Variants in TMCO5A observed in about 807,000 individuals in gnomAD.
TMCO5A encodes the protein transmembrane and coiled-coil domain-containing protein 5A.
TMCO5A carries 34 observed loss-of-function variants against 42.3 expected under a neutral mutation model. That is an observed-to-expected ratio of 0.80 (90% CI 0.61 to 1.07). TMCO5A has a LOEUF of 1.07. Among genes scored for constraint, TMCO5A ranks in the 50% least tolerant of loss-of-function variants. TMCO5A has a pLI of 0.00. For missense variants in TMCO5A, 357 were observed against 327.9 expected (o/e 1.09, Z -0.69); for synonymous variants, 131 against 115.6 (o/e 1.13, Z -0.86).
exon 12 of TMCO5A, chr15:37,967,665 A>G (rs944811992): frequency 2.0e-5 from 3 of 152,232 alleles, no homozygotes; most frequent in African/African-American, 7.2e-5. Flanking sequence ...TATTCACTGC[A>G]GTGAAGTATA....
At chr15:38,003,222 G>GTCTCTCTCTCTCTCTCTCTC in the TMCO5A span, among the ~76,000 whole-genome samples, 1,228 of 147,088 alleles carry the variant, frequency 8.3e-3, 18 homozygotes, top group African/African-American at 0.03. Flanking sequence ...CCCAAACAGA[G>GTCTCTCTCTCTCTCTCTCTC]TCTCTCTCTC....
At chr15:37,979,884 G>A in the TMCO5A span, among the ~76,000 whole-genome samples, 1 of 152,180 alleles carries the variant, frequency 6.6e-6, no homozygotes, top group South Asian at 2.1e-4. Flanking sequence ...GTAAGTGGGG[G>A]CAGTGACCCA....
At chr15:37,950,943 A>G in intron 11 of TMCO5A, 93 bp from the exon 12 acceptor site, 3 of 1,098,534 alleles carry the variant, frequency 2.7e-6, no homozygotes, top group Middle Eastern at 3.1e-4. Context: ...TTGAATATCA[A>G]TTAGGAGCCA....
the TMCO5A span, among the ~76,000 whole-genome samples, chr15:38,019,215 ATGT>A: frequency 1.3e-5 from 2 of 152,192 alleles, no homozygotes; most frequent in Non-Finnish European, 2.9e-5. Context: ...ATTGCAGATA[ATGT>A]TGTGAAACTT....
the TMCO5A span, among the ~76,000 whole-genome samples, chr15:38,032,441 T>C: frequency 6.6e-6 from 1 of 152,222 alleles, no homozygotes; most frequent in Admixed American, 6.5e-5. Context: ...GCAAATGCTA[T>C]GCTACGTAAA....
the TMCO5A span, among the ~76,000 whole-genome samples, chr15:37,988,461 G>A: frequency 5.3e-5 from 8 of 151,906 alleles, no homozygotes; most frequent in African/African-American, 1.7e-4. Flanking sequence ...TTTCACCATT[G>A]AGTATGATGT....
chr15:37,962,410 C>G (rs1890452876), intron 11 of TMCO5A, among the ~76,000 whole-genome samples: 1 of 152,112 alleles, frequency 6.6e-6, no homozygotes, highest in Non-Finnish European at 1.5e-5. Context: ...GATGGATTAT[C>G]TTTTTGATAT....
At chr15:38,011,456 C>T in the TMCO5A span, among the ~76,000 whole-genome samples, 1 of 152,166 alleles carries the variant, frequency 6.6e-6, no homozygotes, top group Admixed American at 6.5e-5. Flanking sequence ...AACTTAATCT[C>T]AGAAATGATA....
chr15:37,943,533 A>T, intron 10 of TMCO5A, 135 bp downstream of exon 10: 1 of 742,940 alleles, frequency 1.3e-6, no homozygotes, highest in Non-Finnish European at 2.2e-6. Flanking sequence ...AGCTATAATT[A>T]CAGAGCATTC....
chr15:37,978,721 C>T, the TMCO5A span, among the ~76,000 whole-genome samples: 3,328 of 152,236 alleles, frequency 0.022, 134 homozygotes, highest in African/African-American at 0.077. Context: ...TGGGTTGCCC[C>T]GTTTGAGAGG....
At chr15:38,019,235 A>T in the TMCO5A span, among the ~76,000 whole-genome samples, 1 of 152,180 alleles carries the variant, frequency 6.6e-6, no homozygotes, top group Non-Finnish European at 1.5e-5. Flanking sequence ...ACTTAATGGC[A>T]CTGTTAGGAA....
the TMCO5A span, among the ~76,000 whole-genome samples, chr15:38,029,840 G>A: frequency 2.0e-5 from 3 of 152,152 alleles, no homozygotes. Context: ...CAACTGGCAC[G>A]CACTTATAAA....
At chr15:37,956,387 G>A (rs1329517754), downstream of TMCO5A, among the ~76,000 whole-genome samples, 2 of 151,732 alleles carry the variant, frequency 1.3e-5, no homozygotes, top group Admixed American at 6.6e-5. Context: ...TCAAATAGAC[G>A]CAATAAAAAT....
intron 10 of TMCO5A, among the ~76,000 whole-genome samples, chr15:37,945,821 G>A (rs1282548689): frequency 6.6e-6 from 1 of 152,118 alleles, no homozygotes. Context: ...TCTGTAGGTT[G>A]TCTGCTCACT....
downstream of TMCO5A, among the ~76,000 whole-genome samples, chr15:37,971,058 C>G (rs537852664): frequency 8.5e-5 from 13 of 152,358 alleles, no homozygotes; most frequent in East Asian, 1.2e-3. Flanking sequence ...AGTAGGGACT[C>G]TGTGTGGGGG....
chr15:37,978,373 T>C, the TMCO5A span, among the ~76,000 whole-genome samples: 1 of 152,108 alleles, frequency 6.6e-6, no homozygotes, highest in African/African-American at 2.4e-5. Context: ...AGCTCGGTCC[T>C]AGGGAAACAC....
the TMCO5A span, among the ~76,000 whole-genome samples, chr15:38,026,419 T>C: frequency 6.6e-6 from 1 of 152,118 alleles, no homozygotes; most frequent in Admixed American, 6.6e-5. Flanking sequence ...TTGAGAGAGA[T>C]GATTTAGGGT....
the TMCO5A span, among the ~76,000 whole-genome samples, chr15:38,032,592 T>C: frequency 6.6e-6 from 1 of 152,326 alleles, no homozygotes; most frequent in South Asian, 2.1e-4. Context: ...TCTTTTCCAC[T>C]GACATAAAAT....
the TMCO5A span, among the ~76,000 whole-genome samples, chr15:37,975,115 T>C: frequency 6.6e-6 from 1 of 152,234 alleles, no homozygotes; most frequent in East Asian, 1.9e-4. Flanking sequence ...GTGTTTGGTA[T>C]AATTTGGGTT....
Sources: gnomAD v4.1 joint callset for allele counts (sites outside exome capture counted in the v4.1 genomes callset) on GRCh38, gnomAD v4.1.1 for gene constraint, MANE v1.5 for transcripts, NCBI Gene and HGNC (gene_info 2026-07-23, HGNC 2026-07-21) for gene names.